AKAP10: variants seen among roughly 807,000 people sequenced by gnomAD.
The protein encoded by AKAP10 is A-kinase anchoring protein 10.
Under a neutral mutation model 80.8 loss-of-function variants are expected in AKAP10, and 24 were observed. The observed-to-expected ratio is 0.30, with a 90% CI of 0.22 to 0.42. The LOEUF is 0.42. AKAP10 is among the 10% of genes least tolerant of loss of function. The pLI, the probability that AKAP10 is intolerant of heterozygous loss-of-function variation, is 1.00. For missense variants in AKAP10, 661 were observed against 794.9 expected, an observed-to-expected ratio of 0.83 and a Z score of 2.03; for synonymous variants, 291 against 277.7, an observed-to-expected ratio of 1.05 and a Z score of -0.48.
At chr17:19,961,663 TG>T (rs923601670) in intron 3 of AKAP10, among the ~76,000 whole-genome samples, 36 of 152,354 alleles carry the variant, frequency 2.4e-4, no homozygotes, top group African/African-American at 7.7e-4. Flanking sequence ...TGCAGAAATT[TG>T]GGTAAGAAAT....
chr17:19,939,977 T>A (rs2043035439), intron 7 of AKAP10, 128 bp from the exon 8 acceptor site: 3 of 1,005,430 alleles, frequency 3.0e-6, no homozygotes, highest in Admixed American at 3.3e-5. Context: ...CTTCTTCTGT[T>A]AACACCTGTC....
At chr17:19,936,819 A>C (rs535240568) in intron 8 of AKAP10, among the ~76,000 whole-genome samples, 1 of 152,346 alleles carries the variant, frequency 6.6e-6, no homozygotes, top group South Asian at 2.1e-4. Flanking sequence ...CATTTTCCCT[A>C]AAAAGCGAGC....
At position 19,924,500 on chromosome 17, in the gene AKAP10, G is replaced by A; in HGVS notation, c.1659C>T (p.Ala553=). The A allele has an allele frequency of 2.5e-6, 4 of 1,603,474 alleles. No homozygotes were observed. The highest frequency in any genetic ancestry group is 1.7e-4 in the Middle Eastern group (1 of 6,030). ...CAAAATTTTTCAGTATTTTAATACT[G>A]GCTTTTTTCACACTGGACTACAATA... ...SSASQSSVKK[A]SIKILKNFDE... Residue 553 remains alanine (A), a synonymous_variant, in exon 11 of 15, where the codon GCC becomes GCT. Coordinates refer to ENST00000225737, the MANE Select transcript of AKAP10 (RefSeq NM_007202.4).
In AKAP10 at chr17:19,967,072, A is replaced by G. The variant is rs867561046; in HGVS notation, c.136+1342T>C. On this transcript the variant is annotated intron_variant, in intron 2 of 14. Transcript: ENST00000225737. ...AGCATATAGAATAAATACTCAGTGC[A>G]AGCAATACAACATAAAAACATTTGA... Among the ~76,000 whole-genome samples, 5 of 152,320 alleles carry G rather than the reference A, an allele frequency of 3.3e-5. No individual in the cohort carries two copies. The Middle Eastern group carries it at 0.017, about 518-fold the overall frequency.
At chr17:19,970,832 A>T (rs79722969) in intron 1 of AKAP10, among the ~76,000 whole-genome samples, 35,325 of 151,394 alleles carry the variant, frequency 0.23, 4,867 homozygotes, top group African/African-American at 0.4. Flanking sequence ...TAAAAAAAAA[A>T]AAATAAATAA....
chr17:19,914,569 G>A (rs1159614226), intron 12 of AKAP10, among the ~76,000 whole-genome samples: 2 of 131,258 alleles, frequency 1.5e-5, no homozygotes, highest in East Asian at 4.5e-4. Flanking sequence ...TTGAGCCCAA[G>A]AAGATGAGGC....
At chr17:19,909,357 T>C in intron 13 of AKAP10, 81 bp from the exon 14 acceptor site, 2 of 1,214,450 alleles carry the variant, frequency 1.6e-6, no homozygotes, top group Non-Finnish European at 2.3e-6. Context: ...TCTTAACAAA[T>C]GGCTTACGCA....
At chr17:19,955,758 C>T (rs1039825113) in intron 4 of AKAP10, among the ~76,000 whole-genome samples, 6 of 151,958 alleles carry the variant, frequency 3.9e-5, no homozygotes, top group African/African-American at 1.5e-4. Context: ...TCGCTTGAAC[C>T]CGGGAGGTGG....
intron 4 of AKAP10, among the ~76,000 whole-genome samples, chr17:19,949,705 T>C (rs574303809): frequency 3.3e-5 from 5 of 150,008 alleles, no homozygotes; most frequent in Non-Finnish European, 4.4e-5. Context: ...GAGGCGGAGG[T>C]TGCAGTGAGC....
Position 19,941,024 on chromosome 17 carries a change from A to G in AKAP10, c.1062-14T>C. 6.3e-7 allele frequency: 1 copy of G among 1,587,050 alleles called. No individual in the cohort carries two copies. The highest frequency in any genetic ancestry group is 2.3e-5 in the East Asian group (1 of 44,438). On this transcript the variant is annotated splice_polypyrimidine_tract_variant and intron_variant, in intron 6 of 14. Coordinates refer to ENST00000225737, the MANE Select transcript of AKAP10 (RefSeq NM_007202.4). ...TCACTAAAGTGCCTGCACATGGACAAAAGGGAAAATTTGAGGGAACGACCA... is the reference window on the plus strand; with the variant it reads ...TCACTAAAGTGCCTGCACATGGACAGAAGGGAAAATTTGAGGGAACGACCA...
chr17:19,925,487 G>A (rs1474622193), intron 10 of AKAP10, among the ~76,000 whole-genome samples: 1 of 151,858 alleles, frequency 6.6e-6, no homozygotes, highest in Non-Finnish European at 1.5e-5. Context: ...AACCAGAATT[G>A]GTATTTTTGT....
chr17:19,937,975 C>CTTTTTTT (rs547191721), intron 8 of AKAP10, among the ~76,000 whole-genome samples: 1 of 129,202 alleles, frequency 7.7e-6, no homozygotes, highest in African/African-American at 2.9e-5. Flanking sequence ...GACTGGAAAC[C>CTTTTTTT]TTTTTTTTTT....
At chr17:19,911,433 A>G (rs1482679559) in intron 12 of AKAP10, among the ~76,000 whole-genome samples, 1 of 152,116 alleles carries the variant, frequency 6.6e-6, no homozygotes, top group Non-Finnish European at 1.5e-5. Context: ...TTCTCCTATC[A>G]ACATTACCAG....
chr17:19,977,348 T>C (rs1483889001), intron 1 of AKAP10, among the ~76,000 whole-genome samples: 1 of 152,224 alleles, frequency 6.6e-6, no homozygotes, highest in African/African-American at 2.4e-5. Flanking sequence ...CAGGAACTTC[T>C]ATGGGCTTTA....
chr17:19,952,711 A>T (rs909908643), intron 4 of AKAP10, among the ~76,000 whole-genome samples: 11 of 152,194 alleles, frequency 7.2e-5, no homozygotes, highest in Non-Finnish European at 1.6e-4. Context: ...ATGATAAAAC[A>T]GGCAATTCAC....
In AKAP10 at chr17:19,946,227, T is replaced by A. The variant is rs1340161501; in HGVS notation, c.976+1180A>T. On this transcript the variant is annotated intron_variant, in intron 5 of 14. Transcript: ENST00000225737. ...ATTTTATATATATATATATTTTATA[T>A]ATATATATATTATATATATATATAT... Among the ~76,000 whole-genome samples, 18 of 22,488 alleles carry A rather than the reference T, an allele frequency of 8.0e-4. 2 individuals are homozygous for A. The highest frequency in any genetic ancestry group is 3.0e-3 in the African/African-American group (17 of 5,608). 14.8% of individuals were successfully genotyped at this position (22,488 alleles called of 152,430 possible). A position where few individuals can be genotyped will look rare whatever the true frequency, so the allele number is the denominator to read the frequency against.
chr17:19,917,757 C>T (rs1028412096), intron 12 of AKAP10, among the ~76,000 whole-genome samples: 26 of 151,876 alleles, frequency 1.7e-4, no homozygotes, highest in African/African-American at 5.6e-4. Flanking sequence ...CCCATCTCTA[C>T]TAAAAATAAC....
intron 3 of AKAP10, among the ~76,000 whole-genome samples, chr17:19,961,700 T>G (rs1326680943): frequency 6.6e-6 from 1 of 152,352 alleles, no homozygotes; most frequent in African/African-American, 2.4e-5. Flanking sequence ...GTCTCCTGCA[T>G]ATGTTTTTGT....
At chr17:19,968,789 T>G (rs1024469906) in intron 1 of AKAP10, among the ~76,000 whole-genome samples, 2 of 152,178 alleles carry the variant, frequency 1.3e-5, no homozygotes, top group African/African-American at 4.8e-5. Context: ...TTTTCTTGAT[T>G]TATAAAATTA....
Sources: allele counts gnomAD v4.1 joint callset (sites outside exome capture counted in the v4.1 genomes callset), GRCh38; gene constraint gnomAD v4.1.1; transcripts MANE v1.5; gene names NCBI Gene and HGNC (gene_info 2026-07-23, HGNC 2026-07-21).